Variants in EPN2 observed in about 807,000 individuals in gnomAD.
EPN2 encodes the protein epsin 2.
A neutral mutation model predicts 61.7 loss-of-function variants in EPN2; 34 were observed. That is an observed-to-expected ratio of 0.55 (90% CI 0.42 to 0.73). EPN2 has a LOEUF of 0.73. Among genes scored for constraint, EPN2 ranks in the 30% least tolerant of loss-of-function variants. The probability of loss-of-function intolerance (pLI) is 0.00; values close to 1 mark genes in which losing one functional copy is unlikely to be tolerated. For missense variants in EPN2, 714 were observed against 839.2 expected (o/e 0.85, Z 1.84); for synonymous variants, 349 against 353.6 (o/e 0.99, Z 0.15).
intron 7 of EPN2, among the ~76,000 whole-genome samples, chr17:19,315,322 G>A (rs1017869662): frequency 1.3e-5 from 2 of 152,082 alleles, no homozygotes; most frequent in Non-Finnish European, 2.9e-5. Flanking sequence ...GAGCACCCTG[G>A]GGTGAGACTC....
chr17:19,256,574 C>T (rs2045082159), intron 1 of EPN2, among the ~76,000 whole-genome samples: 1 of 151,942 alleles, frequency 6.6e-6, no homozygotes, highest in Non-Finnish European at 1.5e-5. Context: ...GGACCAAAGG[C>T]CAGTGGTATG....
At chr17:19,320,995 G>A (rs1316149420) in intron 7 of EPN2, among the ~76,000 whole-genome samples, 2 of 152,186 alleles carry the variant, frequency 1.3e-5, no homozygotes, top group African/African-American at 2.4e-5. Flanking sequence ...AGACCCAGCC[G>A]ATGTTCTCAT....
intron 1 of EPN2, among the ~76,000 whole-genome samples, chr17:19,252,688 C>T (rs550638663): frequency 6.6e-6 from 1 of 152,066 alleles, no homozygotes; most frequent in African/African-American, 2.4e-5. Flanking sequence ...TATATTTACA[C>T]AAAATCTTGA....
At chr17:19,318,566 A>AAAAAAAAAAAAAAAAAG (rs1187317882) in intron 7 of EPN2, among the ~76,000 whole-genome samples, 1 of 148,604 alleles carries the variant, frequency 6.7e-6, no homozygotes, top group African/African-American at 2.4e-5. Context: ...AAAAAAAAAA[A>AAAAAAAAAAAAAAAAAG]AGAGTAGGGG....
chr17:19,291,234 A>T (rs981361630), intron 4 of EPN2, among the ~76,000 whole-genome samples: 2 of 152,212 alleles, frequency 1.3e-5, no homozygotes, highest in African/African-American at 2.4e-5. Context: ...CAGAGTGTCA[A>T]GCAGCCTGCC....
chr17:19,301,370 G>C (rs1208530268), intron 4 of EPN2, among the ~76,000 whole-genome samples: 1 of 152,178 alleles, frequency 6.6e-6, no homozygotes, highest in Non-Finnish European at 1.5e-5. Flanking sequence ...GGGGGACCCA[G>C]TTCTGCCCAT....
intron 1 of EPN2, among the ~76,000 whole-genome samples, chr17:19,245,909 C>T (rs1015188146): frequency 1.3e-5 from 2 of 152,018 alleles, no homozygotes; most frequent in African/African-American, 4.8e-5. Flanking sequence ...AGGTGATCTG[C>T]CCGCCTCGGC....
chr17:19,313,063 T>C, intron 6 of EPN2, 42 bp from the exon 7 acceptor site: 4 of 1,595,624 alleles, frequency 2.5e-6, no homozygotes, highest in Non-Finnish European at 2.6e-6. Flanking sequence ...TTGCTGTAAC[T>C]GTAGCATAGT....
intron 1 of EPN2, chr17:19,274,076 T>G (rs2045282782): frequency 6.6e-6 from 1 of 152,282 alleles, no homozygotes; most frequent in South Asian, 2.1e-4. Context: ...TCCTCACTCG[T>G]GGACTGCACC....
intron 1 of EPN2, among the ~76,000 whole-genome samples, chr17:19,242,108 GAC>G (rs1249249840): frequency 1.4e-5 from 2 of 143,394 alleles, no homozygotes; most frequent in African/African-American, 2.7e-5. Context: ...TTAGCTGAGA[GAC>G]ACTAGATTTG....
chr17:19,243,728 G>A (rs1481814775), intron 1 of EPN2, among the ~76,000 whole-genome samples: 1 of 152,002 alleles, frequency 6.6e-6, no homozygotes, highest in African/African-American at 2.4e-5. Context: ...TAGTAGAGAT[G>A]GGGTTTTACC....
chr17:19,328,580 C>A, intron 7 of EPN2, 131 bp from the exon 8 acceptor site: 1 of 830,120 alleles, frequency 1.2e-6, no homozygotes, highest in Non-Finnish European at 1.8e-6. Context: ...GGGACAGTAC[C>A]CTTTTGATGG....
chr17:19,321,633 G>C (rs1206201395), intron 7 of EPN2, among the ~76,000 whole-genome samples: 1 of 152,192 alleles, frequency 6.6e-6, no homozygotes, highest in Admixed American at 6.5e-5. Flanking sequence ...AGTGGGAAGG[G>C]ATAGTAGCTG....
intron 7 of EPN2, among the ~76,000 whole-genome samples, chr17:19,318,127 C>T (rs996007958): frequency 3.9e-5 from 6 of 152,198 alleles, no homozygotes; most frequent in Non-Finnish European, 1.5e-5. Context: ...AGCCCACCCA[C>T]GCCAAACAGC....
chr17:19,325,899 T>A (rs1906845066), intron 7 of EPN2, among the ~76,000 whole-genome samples: 1 of 152,230 alleles, frequency 6.6e-6, no homozygotes, highest in South Asian at 2.1e-4. Context: ...TTGGAATGAC[T>A]TCTAATTAAC....
At chr17:19,247,299 G>C (rs1461698321) in intron 1 of EPN2, among the ~76,000 whole-genome samples, 1 of 152,162 alleles carries the variant, frequency 6.6e-6, no homozygotes, top group Non-Finnish European at 1.5e-5. Flanking sequence ...GGTTATAAAT[G>C]AAATGCCACC....
At position 19,334,084 on chromosome 17, in the gene EPN2, G is replaced by C; in HGVS notation, c.1756G>C (p.Glu586Gln). The C allele has an allele frequency of 6.2e-7, 1 of 1,610,296 alleles. No individual in the cohort carries two copies. Among genetic ancestry groups the C allele is most frequent in the South Asian group, 1.1e-5 (1 of 90,260 alleles). The change falls in exon 11 of 11, where the codon GAG becomes CAG. Residue 586 changes from glutamate (E) to glutamine (Q), a missense_variant. Physicochemically the swap from Glu to Gln is conservative, Grantham distance 29. Coordinates refer to ENST00000314728, the MANE Select transcript of EPN2 (RefSeq NM_014964.5). The surrounding 1 kb of genome is among the most constrained non-coding windows in gnomAD (Gnocchi z 4.9). ...ATCCTTTGGGCCTGGCCCAGGAGTGGAGTCCATGGCTGTGGCCTCGATGAC... is the reference window on the plus strand; with the variant it reads ...ATCCTTTGGGCCTGGCCCAGGAGTGCAGTCCATGGCTGTGGCCTCGATGAC... Reference protein sequence around the residue: ...STSFGPGPGVESMAVASMTSA... With the variant: ...STSFGPGPGVQSMAVASMTSA...
chr17:19,290,112 G>A (rs1049557793), intron 4 of EPN2, among the ~76,000 whole-genome samples: 1 of 152,178 alleles, frequency 6.6e-6, no homozygotes, highest in Non-Finnish European at 1.5e-5. Context: ...ACCCGTGTTG[G>A]CTGCCCTCAC....
At chr17:19,277,923 A>G (rs1047540250) in intron 1 of EPN2, among the ~76,000 whole-genome samples, 1 of 152,040 alleles carries the variant, frequency 6.6e-6, no homozygotes, top group Non-Finnish European at 1.5e-5. Flanking sequence ...ATACAAAAAA[A>G]TTAGCTGGGC....
Sources: gnomAD v4.1 joint callset for allele counts (sites outside exome capture counted in the v4.1 genomes callset) on GRCh38, gnomAD v4.1.1 for gene constraint, Gnocchi (gnomAD v3.1) non-coding constraint, MANE v1.5 for transcripts, NCBI Gene and HGNC (gene_info 2026-07-23, HGNC 2026-07-21) for gene names.